Variants in YBX3 observed in about 807,000 individuals in gnomAD.
The protein encoded by YBX3 is Y-box-binding protein 3.
A neutral mutation model predicts 42.4 loss-of-function variants in YBX3; 29 were observed. That is an observed-to-expected ratio of 0.68 (90% CI 0.51 to 0.93). YBX3 has a LOEUF of 0.93. Among genes scored for constraint, YBX3 ranks in the 40% least tolerant of loss-of-function variants. The pLI is 0.00. For synonymous variants in YBX3, 195 were observed against 189.8 expected (o/e 1.03, Z -0.22); for missense variants, 517 against 527.5 (o/e 0.98, Z 0.19).
intron 3 of YBX3, among the ~76,000 whole-genome samples, chr12:10,717,047 A>G (rs1948270925): frequency 6.6e-6 from 1 of 152,218 alleles, no homozygotes; most frequent in Non-Finnish European, 1.5e-5. Flanking sequence ...CAAGTATTAT[A>G]AACAACACTA....
chr12:10,710,027 TC>T lies in YBX3; in HGVS notation c.660del (p.Asn221IlefsTer47), dbSNP rs1408006874. ...PATDRQFSGA[R>X]NQLRRPQYRP... ...CGATACTGGGGGCGGCGCAGCTGAT[TC>T]CGGGCCCCAGAGAACTGCCTATCAG... On this transcript the variant is annotated frameshift_variant, in exon 6 of 10. Coordinates refer to ENST00000228251, the MANE Select transcript of YBX3 (RefSeq NM_003651.5). LOFTEE classifies it high-confidence loss of function. The T allele has an allele frequency of 6.2e-7, 1 of 1,613,954 alleles. No individual in the cohort carries two copies. The highest frequency in any genetic ancestry group is 1.3e-5 in the African/African-American group (1 of 74,926).
intron 5 of YBX3, chr12:10,711,431 C>A (rs1948198802): frequency 1.3e-5 from 2 of 151,768 alleles, no homozygotes; most frequent in Non-Finnish European, 2.9e-5. Context: ...AGTCTAACTT[C>A]AAAAAAAATC....
chr12:10,703,774 T>TTGGTGGGC, intron 7 of YBX3: 1 of 355,266 alleles, frequency 2.8e-6, no homozygotes. Context: ...TGCCCACCAA[T>TTGGTGGGC]AATTTATCTG....
At chr12:10,711,374 C>T (rs1450019378) in intron 5 of YBX3, 1 of 152,052 alleles carries the variant, frequency 6.6e-6, no homozygotes, top group East Asian at 1.9e-4. Context: ...CCTTCCAGAA[C>T]AAGTCCACAT....
chr12:10,711,234 A>C (rs903567845), intron 5 of YBX3: 4 of 152,202 alleles, frequency 2.6e-5, no homozygotes, highest in African/African-American at 9.6e-5. Flanking sequence ...CTGTGATTTC[A>C]AGTCTTACTT....
chr12:10,706,971 C>T (rs925319848), intron 6 of YBX3, among the ~76,000 whole-genome samples: 1 of 151,962 alleles, frequency 6.6e-6, no homozygotes, highest in African/African-American at 2.4e-5. Context: ...GAGCCGAGAT[C>T]GTGTCACTGC....
chr12:10,718,867 GA>G (rs1469151336), intron 2 of YBX3, among the ~76,000 whole-genome samples: 1 of 152,036 alleles, frequency 6.6e-6, no homozygotes, highest in Non-Finnish European at 1.5e-5. Context: ...CTTCCTTAAT[GA>G]CTAGATTTTA....
chr12:10,702,254 C>T (rs1948090254), intron 7 of YBX3, 120 bp from the exon 8 acceptor site: 1 of 998,584 alleles, frequency 1.0e-6, no homozygotes, highest in African/African-American at 1.6e-5. Flanking sequence ...GGCATGATGG[C>T]TCACCCCTGT....
At position 10,722,970 on chromosome 12, in the gene YBX3, G is replaced by GCGCCGGGGCCGCGGC. The variant is rs1948350177; in HGVS notation, c.127_141dup (p.Ala43_Ala47dup). 8.1e-7 allele frequency: 1 copy of GCGCCGGGGCCGCGGC among 1,242,152 alleles called. No homozygotes were observed. Among genetic ancestry groups the GCGCCGGGGCCGCGGC allele is most frequent in the African/African-American group, 1.6e-5 (1 of 63,576 alleles). The allele number at this position is 1,242,152 out of a possible 1,614,324, so 76.9% of individuals were successfully genotyped here. A position where few individuals can be genotyped will look rare whatever the true frequency, so the allele number is the denominator to read the frequency against. On this transcript the variant is annotated inframe_insertion, in exon 1 of 10. Transcript: ENST00000228251. ...GGGTTTCCTGCGACGTGGGCGGCGG[G>GCGCCGGGGCCGCGGC]CGCCGGGGCCGCGGCCTGGGGCGCA...
intron 2 of YBX3, 38 bp downstream of exon 2, chr12:10,719,042 T>C (rs957410480): frequency 1.3e-6 from 2 of 1,584,328 alleles, no homozygotes; most frequent in South Asian, 1.1e-5. Context: ...ACAATGTAAG[T>C]ATAAACTTAA....
At position 10,701,222 on chromosome 12, in the gene YBX3, C is replaced by A; in HGVS notation, c.*34+32G>T. 5 of 755,970 alleles carry A rather than the reference C, an allele frequency of 6.6e-6. No homozygotes were observed. The South Asian group carries it at 7.1e-5, about 11-fold the overall frequency. The allele number at this position is 755,970 out of a possible 1,614,324, so 46.8% of individuals were successfully genotyped here. On this transcript the variant is annotated intron_variant, in intron 9 of 9. Coordinates refer to ENST00000228251, the MANE Select transcript of YBX3 (RefSeq NM_003651.5). Reference sequence around the variant, plus strand: ...AACCAGTGATACTAAAAAGAAAATACCAACTCAAGACTGGGCTGCCCCAGC... The same window carrying A: ...AACCAGTGATACTAAAAAGAAAATAACAACTCAAGACTGGGCTGCCCCAGC...
chr12:10,702,623 T>G (rs916348063), intron 7 of YBX3: 2 of 152,472 alleles, frequency 1.3e-5, no homozygotes, highest in Admixed American at 1.3e-4. Context: ...AATCTTAATT[T>G]TCCATCATTT....
intron 4 of YBX3, among the ~76,000 whole-genome samples, chr12:10,714,650 G>A (rs556922525): frequency 5.3e-4 from 80 of 152,074 alleles, no homozygotes; most frequent in African/African-American, 1.7e-3. Flanking sequence ...CCTTTTATTG[G>A]GATTAAAATA....
Position 10,709,949 on chromosome 12 carries a change from C to T in YBX3, c.739G>A (p.Asp247Asn). 6.2e-7 allele frequency: 1 copy of T among 1,614,210 alleles called. No homozygotes were observed. The highest frequency in any genetic ancestry group is 8.5e-7 in the Non-Finnish European group (1 of 1,180,034). The change falls in exon 6 of 10, where the codon GAC becomes AAC. Residue 247 changes from aspartate (D) to asparagine (N), a missense_variant. Around this residue, in one of 3 missense-constraint regions of YBX3, gnomAD observed 420 missense variants for 408.5 expected, o/e 1.03. Transcript: ENST00000228251. ...TGGGGTAAGACCCGTGAGCGACGGTCAAAGGTCTGTCCCACGTGGTAAGGC... is the reference window on the plus strand; with the variant it reads ...TGGGGTAAGACCCGTGAGCGACGGTTAAAGGTCTGTCCCACGTGGTAAGGC... ...FPPYHVGQTF[D>N]RRSRVLPHPN...
At chr12:10,714,951 T>C (rs1292114574) in intron 4 of YBX3, among the ~76,000 whole-genome samples, 4 of 151,804 alleles carry the variant, frequency 2.6e-5, no homozygotes, top group Non-Finnish European at 5.9e-5. Flanking sequence ...GGTTTCACCA[T>C]GTTGGCCAGG....
intron 7 of YBX3, 151 bp from the exon 8 acceptor site, chr12:10,702,285 C>A (rs984167464): frequency 2.1e-5 from 13 of 618,582 alleles, no homozygotes; most frequent in Non-Finnish European, 3.0e-5. Context: ...CTTCAGGAGG[C>A]TGAGGCAGGC....
At chr12:10,719,767 CTTGT>C (rs1948304469) in intron 1 of YBX3, among the ~76,000 whole-genome samples, 1 of 152,152 alleles carries the variant, frequency 6.6e-6, no homozygotes, top group Non-Finnish European at 1.5e-5. Context: ...TGAATTTGGG[CTTGT>C]TTCTTTGTTT....
chr12:10,706,241 G>T (rs1288916859), intron 6 of YBX3, among the ~76,000 whole-genome samples: 1 of 152,120 alleles, frequency 6.6e-6, no homozygotes, highest in East Asian at 1.9e-4. Flanking sequence ...GAGAGACCAG[G>T]GGTAACTCTG....
chr12:10,717,055 C>T (rs1948270989), intron 3 of YBX3, among the ~76,000 whole-genome samples: 1 of 152,184 alleles, frequency 6.6e-6, no homozygotes, highest in Admixed American at 6.5e-5. Context: ...ATAAACAACA[C>T]TATTATGACC....
Sources: gnomAD v4.1 joint callset for allele counts (sites outside exome capture counted in the v4.1 genomes callset) on GRCh38, gnomAD v4.1.1 for gene constraint, gnomAD v4.1.1 regional missense constraint, MANE v1.5 for transcripts, NCBI Gene and HGNC (gene_info 2026-07-23, HGNC 2026-07-21) for gene names.